The following MAST4 variants were observed in gnomAD, a reference collection of about 807,000 sequenced individuals.
The protein encoded by MAST4 is microtubule-associated serine/threonine-protein kinase 4.
A neutral mutation model predicts 162.7 loss-of-function variants in MAST4; 89 were observed. The observed-to-expected ratio is 0.55, with a 90% confidence interval of 0.46 to 0.65. The LOEUF is 0.65. Among genes scored for constraint, MAST4 ranks in the 30% least tolerant of loss-of-function variants. The pLI, the probability that MAST4 is intolerant of heterozygous loss-of-function variation, is 0.00. For synonymous variants in MAST4, 1,479 were observed against 1,361.1 expected (o/e 1.09, Z -1.91); for missense variants, 3,153 against 3,374.0 (o/e 0.93, Z 1.62).
chr5:66,947,159 A>G (rs1744128606), intron 4 of MAST4, among the ~76,000 whole-genome samples: 1 of 151,998 alleles, frequency 6.6e-6, no homozygotes, highest in South Asian at 2.1e-4. Flanking sequence ...ATGATGTACT[A>G]ATTCTTTTCA....
intron 1 of MAST4, chr5:66,663,076 G>T (rs1747011830): frequency 6.6e-6 from 1 of 152,232 alleles, no homozygotes; most frequent in Non-Finnish European, 1.5e-5. Flanking sequence ...CCTGACCTCA[G>T]GTGATCCACC....
intron 2 of MAST4, among the ~76,000 whole-genome samples, chr5:66,761,050 A>G (rs1295453247): frequency 1.3e-5 from 2 of 152,188 alleles, no homozygotes; most frequent in Admixed American, 6.5e-5. Flanking sequence ...GAACGATCCA[A>G]TTGCTGTGCG....
intron 4 of MAST4, among the ~76,000 whole-genome samples, chr5:67,000,299 C>T (rs1227521360): frequency 6.6e-6 from 1 of 152,238 alleles, no homozygotes; most frequent in Non-Finnish European, 1.5e-5. Flanking sequence ...GGCATGGCCT[C>T]ATGGCCCGAG....
intron 3 of MAST4, among the ~76,000 whole-genome samples, chr5:66,884,932 C>A (rs1761940684): frequency 6.6e-6 from 1 of 152,180 alleles, no homozygotes. Context: ...CCCCCATATA[C>A]CTCTGGGCAT....
chr5:67,094,839 A>G (rs1298189116), intron 6 of MAST4, among the ~76,000 whole-genome samples: 1 of 152,178 alleles, frequency 6.6e-6, no homozygotes, highest in Non-Finnish European at 1.5e-5. Flanking sequence ...GGCTCCTGCC[A>G]GCTTTGCCTC....
At chr5:66,909,895 G>A (rs1262350484) in intron 4 of MAST4, among the ~76,000 whole-genome samples, 5 of 152,178 alleles carry the variant, frequency 3.3e-5, no homozygotes, top group Non-Finnish European at 7.3e-5. Flanking sequence ...TTCTGCACAA[G>A]CTCTCTTGCC....
chr5:67,013,586 T>C (rs1752937158), intron 4 of MAST4, among the ~76,000 whole-genome samples: 1 of 152,214 alleles, frequency 6.6e-6, no homozygotes. Flanking sequence ...AGAGTCGTTA[T>C]TGGAATATTA....
chr5:67,125,033 C>T (rs918687492), intron 14 of MAST4, among the ~76,000 whole-genome samples: 1 of 152,124 alleles, frequency 6.6e-6, no homozygotes, highest in East Asian at 1.9e-4. Context: ...ACCTTGTGAT[C>T]ATCTGTGAAA....
At chr5:66,839,741 A>G (rs1758284892) in intron 3 of MAST4, among the ~76,000 whole-genome samples, 1 of 152,176 alleles carries the variant, frequency 6.6e-6, no homozygotes, top group Non-Finnish European at 1.5e-5. Context: ...AGGTTGGTGT[A>G]CTGTATTACT....
rs566400267 is a variant in MAST4, at chr5:67,146,539, A to G, written c.3094+1160A>G. On this transcript the variant is annotated intron_variant, in intron 23 of 28. Transcript: ENST00000403625. ...CAATATGCTGTATTGATAACCATGAATGATTCCAAGATTTTTCGTCAACAT... is the reference window on the plus strand; with the variant it reads ...CAATATGCTGTATTGATAACCATGAGTGATTCCAAGATTTTTCGTCAACAT... Among the ~76,000 whole-genome samples the G allele has an allele frequency of 1.6e-4, 24 of 152,350 alleles. No individual in the cohort carries two copies. In the South Asian group the frequency reaches 5.0e-3, roughly 32 times the overall value.
In MAST4 at chr5:66,839,159, T is replaced by G. The variant is rs193068792; in HGVS notation, c.642+50365T>G. Among the ~76,000 whole-genome samples the G allele has an allele frequency of 2.0e-5, 3 of 152,222 alleles. No individual in the cohort carries two copies. In the East Asian group the frequency reaches 5.8e-4, roughly 29 times the overall value. ...AAAGAGAGATGGAAGAAGCTTGAGG[T>G]GACCTTATGGTTTCAGGAGTTAGGG... On this transcript the variant is annotated intron_variant, in intron 3 of 28. Transcript: ENST00000403625.
At chr5:67,120,174 C>T (rs888140431) in intron 13 of MAST4, among the ~76,000 whole-genome samples, 2 of 152,148 alleles carry the variant, frequency 1.3e-5, no homozygotes, top group Admixed American at 6.5e-5. Flanking sequence ...GGTGGGTTAT[C>T]TGTGTAGACA....
At chr5:66,913,152 C>A (rs1275868983) in intron 4 of MAST4, among the ~76,000 whole-genome samples, 2 of 152,098 alleles carry the variant, frequency 1.3e-5, no homozygotes, top group African/African-American at 4.8e-5. Flanking sequence ...ATAAACTGTA[C>A]ATAATTTAAA....
intron 4 of MAST4, among the ~76,000 whole-genome samples, chr5:66,928,004 T>C (rs182196087): frequency 6.6e-6 from 1 of 152,324 alleles, no homozygotes; most frequent in East Asian, 1.9e-4. Context: ...TGTACGTCTA[T>C]CCCTGTGTCA....
chr5:66,892,035 C>G (rs1042566659), intron 3 of MAST4, among the ~76,000 whole-genome samples: 7 of 152,168 alleles, frequency 4.6e-5, no homozygotes, highest in Non-Finnish European at 1.0e-4. Context: ...TTAGCTCTCT[C>G]GGACAAGGGA....
At chr5:66,721,228 GCAGT>G (rs1200525093) in intron 1 of MAST4, among the ~76,000 whole-genome samples, 1 of 152,082 alleles carries the variant, frequency 6.6e-6, no homozygotes, top group Non-Finnish European at 1.5e-5. Context: ...GCTCTGCTGT[GCAGT>G]CAGATTCCTC....
chr5:67,063,913 G>C (rs992794181), intron 5 of MAST4, among the ~76,000 whole-genome samples: 9 of 152,184 alleles, frequency 5.9e-5, no homozygotes, highest in Non-Finnish European at 1.3e-4. Flanking sequence ...TGGAAGACTG[G>C]ACGGGACATT....
chr5:67,088,179 A>G (rs1452489361), intron 5 of MAST4, among the ~76,000 whole-genome samples: 1 of 152,196 alleles, frequency 6.6e-6, no homozygotes, highest in Admixed American at 6.5e-5. Context: ...AAAAATATAT[A>G]TTAATAAGCT....
intron 1 of MAST4, among the ~76,000 whole-genome samples, chr5:66,640,655 C>A (rs1392812359): frequency 6.6e-6 from 1 of 152,162 alleles, no homozygotes; most frequent in Non-Finnish European, 1.5e-5. Flanking sequence ...AGATTATTTC[C>A]ATATCTTGGC....
Sources: gnomAD v4.1 joint callset for allele counts (sites outside exome capture counted in the v4.1 genomes callset) on GRCh38, gnomAD v4.1.1 for gene constraint, MANE v1.5 for transcripts, NCBI Gene and HGNC (gene_info 2026-07-23, HGNC 2026-07-21) for gene names.